GOLM1: variants seen among roughly 807,000 people sequenced by gnomAD.
The protein encoded by GOLM1 is golgi membrane protein 1.
In GOLM1, 31 loss-of-function variants were observed where a neutral mutation model predicts 50.5. That is an observed-to-expected ratio of 0.61 (90% confidence interval 0.46 to 0.83). The LOEUF (loss-of-function observed/expected upper bound fraction) is 0.83, where lower values mean the gene tolerates loss of function less well. GOLM1 is among the 40% of genes least tolerant of loss of function. GOLM1 has a pLI of 0.00. For missense variants in GOLM1, 491 were observed against 501.3 expected (o/e 0.98, Z 0.20); for synonymous variants, 178 against 192.8 (o/e 0.92, Z 0.64).
chr9:86,068,198 C>T lies in GOLM1; in HGVS notation c.309+9214G>A, dbSNP rs116510643. ...GTGAGGTGGAAATTGCACAAAACTG[C>T]ACTTACAAGCTGAGGAACGTCAAAG... On this transcript the variant is annotated intron_variant, in intron 3 of 9. Transcript: ENST00000388712. Among the ~76,000 whole-genome samples the T allele has an allele frequency of 5.0e-3, 756 of 152,206 alleles. 6 individuals are homozygous for T. The highest frequency in any genetic ancestry group is 0.017 in the African/African-American group (714 of 41,510).
intron 8 of GOLM1, chr9:86,034,877 A>ATT (rs1423955402): frequency 0.02 from 7,354 of 364,338 alleles, 519 homozygotes; most frequent in African/African-American, 0.15. Context: ...TTTAAAAAGA[A>ATT]AAGAGTCAAC....
intron 3 of GOLM1, among the ~76,000 whole-genome samples, chr9:86,075,459 A>C (rs146928457): frequency 6.6e-6 from 1 of 152,284 alleles, no homozygotes; most frequent in East Asian, 1.9e-4. Context: ...CTTTATAAAT[A>C]TTATCTCATT....
intron 5 of GOLM1, among the ~76,000 whole-genome samples, chr9:86,044,960 A>G (rs1157124577): frequency 6.6e-6 from 1 of 152,020 alleles, no homozygotes; most frequent in Non-Finnish European, 1.5e-5. Flanking sequence ...TCTCAAAAAA[A>G]AAAGAGGCTA....
At chr9:86,042,794 A>G (rs1354251726) in intron 5 of GOLM1, among the ~76,000 whole-genome samples, 1 of 152,206 alleles carries the variant, frequency 6.6e-6, no homozygotes, top group Non-Finnish European at 1.5e-5. Context: ...TTTATCTCAC[A>G]GCCTTGCAGA....
chr9:86,047,809 TGA>T (rs1244405409), intron 4 of GOLM1, among the ~76,000 whole-genome samples: 1 of 152,084 alleles, frequency 6.6e-6, no homozygotes, highest in Admixed American at 6.5e-5. Flanking sequence ...ATAACTATGC[TGA>T]GAGAGAAAAG....
chr9:86,030,037 CTCTG>C (rs1262696054), intron 9 of GOLM1, among the ~76,000 whole-genome samples: 5 of 152,122 alleles, frequency 3.3e-5, no homozygotes, highest in East Asian at 3.9e-4. Context: ...CATGGTGAAA[CTCTG>C]TCTGTACTGA....
chr9:86,079,544 T>C, intron 1 of GOLM1: 1 of 406,444 alleles, frequency 2.5e-6, no homozygotes, highest in Non-Finnish European at 4.3e-6. Flanking sequence ...CCCAGGGCAG[T>C]GTGGCCAGTT....
chr9:86,027,033 G>C lies in GOLM1; in HGVS notation c.*784C>G. ...AGGTCAGCCCCCTTTTGGCCTGTTT[G>C]TTTTGTCAAAAACCTAATCTGCTTC... On this transcript the variant is annotated 3_prime_UTR_variant, in exon 10 of 10. Coordinates refer to ENST00000388712, the MANE Select transcript of GOLM1 (RefSeq NM_016548.4). 1 of 985,224 alleles carries C rather than the reference G, an allele frequency of 1.0e-6. No individual in the cohort carries two copies. Among genetic ancestry groups the C allele is most frequent in the Non-Finnish European group, 1.2e-6 (1 of 829,900 alleles). The allele number at this position is 985,224 out of a possible 1,614,324, so 61.0% of individuals were successfully genotyped here.
In GOLM1 at chr9:86,046,587, C is replaced by T. The variant is rs932053677; in HGVS notation, c.365-15G>A. Reference sequence around the variant, plus strand: ...CTTTAACTGGTCTACACCAAGGGGACAAGGAATTGCACAGGTCACCGGCAC... The same window carrying T: ...CTTTAACTGGTCTACACCAAGGGGATAAGGAATTGCACAGGTCACCGGCAC... On this transcript the variant is annotated splice_polypyrimidine_tract_variant and intron_variant, in intron 4 of 9. Coordinates refer to ENST00000388712, the MANE Select transcript of GOLM1 (RefSeq NM_016548.4). 3.3e-6 allele frequency: 5 copies of T among 1,511,606 alleles called. No individual in the cohort carries two copies. The highest frequency in any genetic ancestry group is 3.7e-6 in the Non-Finnish European group (4 of 1,090,766). 93.6% of individuals were successfully genotyped at this position (1,511,606 alleles called of 1,614,324 possible). A position where few individuals can be genotyped will look rare whatever the true frequency, so the allele number is the denominator to read the frequency against.
chr9:86,082,684 C>T (rs932169890), intron 1 of GOLM1, among the ~76,000 whole-genome samples: 2 of 152,196 alleles, frequency 1.3e-5, no homozygotes, highest in Non-Finnish European at 2.9e-5. Context: ...CAGTGATCCT[C>T]CCGCCTCAGC....
rs151100398 is a variant in GOLM1, at chr9:86,045,211, C to T, written c.467+1259G>A. Among the ~76,000 whole-genome samples the T allele has an allele frequency of 7.6e-4, 113 of 148,864 alleles. 4 individuals carry two copies. In the East Asian group the frequency reaches 0.015, roughly 19 times the overall value. Reference sequence around the variant, plus strand: ...ACAGGGTTTTAGTAGAAACCCCGGGCGTGGTGGTGGGCGCCTGTAGTCCCA... The same window carrying T: ...ACAGGGTTTTAGTAGAAACCCCGGGTGTGGTGGTGGGCGCCTGTAGTCCCA... On this transcript the variant is annotated intron_variant, in intron 5 of 9. Coordinates refer to ENST00000388712, the MANE Select transcript of GOLM1 (RefSeq NM_016548.4).
chr9:86,095,930 T>C (rs7863621), intron 1 of GOLM1, among the ~76,000 whole-genome samples: 36,745 of 152,160 alleles, frequency 0.24, 7,535 homozygotes, highest in African/African-American at 0.54. Flanking sequence ...AGAGTACTGA[T>C]GTGGGTCAGG....
chr9:86,029,667 A>C (rs1031876141), intron 9 of GOLM1, among the ~76,000 whole-genome samples: 1 of 152,202 alleles, frequency 6.6e-6, no homozygotes, highest in African/African-American at 2.4e-5. Flanking sequence ...TTTTTCTTCT[A>C]ATTTCCCTGG....
At chr9:86,063,738 G>A (rs1486579741) in intron 3 of GOLM1, among the ~76,000 whole-genome samples, 1 of 152,180 alleles carries the variant, frequency 6.6e-6, no homozygotes, top group Non-Finnish European at 1.5e-5. Context: ...CAAGACAAAA[G>A]CCAACCACAA....
chr9:86,070,570 C>CAA (rs1160328811), intron 3 of GOLM1, among the ~76,000 whole-genome samples: 5 of 121,226 alleles, frequency 4.1e-5, no homozygotes, highest in East Asian at 2.3e-4. Context: ...GACTCCACCT[C>CAA]AAAAAAAAAA....
At chr9:86,055,938 T>C (rs1422398485) in intron 3 of GOLM1, among the ~76,000 whole-genome samples, 1 of 152,056 alleles carries the variant, frequency 6.6e-6, no homozygotes, top group African/African-American at 2.4e-5. Context: ...GAAAACCATG[T>C]TTCCTCTGGA....
intron 1 of GOLM1, among the ~76,000 whole-genome samples, chr9:86,080,568 G>GGA (rs1486904829): frequency 1.3e-5 from 2 of 152,134 alleles, no homozygotes; most frequent in African/African-American, 4.8e-5. Context: ...TGAGAACATG[G>GGA]GAGAACTGAT....
chr9:86,098,964 C>G (rs1489175041), intron 1 of GOLM1, among the ~76,000 whole-genome samples: 1 of 152,186 alleles, frequency 6.6e-6, no homozygotes, highest in Non-Finnish European at 1.5e-5. Flanking sequence ...CGGCGGGAGC[C>G]GAGAGACTCG....
At chr9:86,045,307 C>T (rs1833501995) in intron 5 of GOLM1, among the ~76,000 whole-genome samples, 1 of 148,038 alleles carries the variant, frequency 6.8e-6, no homozygotes, top group African/African-American at 2.5e-5. Flanking sequence ...GCTGAGATTG[C>T]ACCGCTGCAC....
Sources: gnomAD v4.1 joint callset for allele counts (sites outside exome capture counted in the v4.1 genomes callset) on GRCh38, gnomAD v4.1.1 for gene constraint, MANE v1.5 for transcripts, NCBI Gene and HGNC (gene_info 2026-07-23, HGNC 2026-07-21) for gene names.